Variants in ABCB11 observed in about 807,000 individuals in gnomAD.
ABCB11 encodes bile salt export pump.
ABCB11 carries 95 observed loss-of-function variants against 148.0 expected under a neutral mutation model. The ratio of observed to expected loss-of-function variants is 0.64; its 90% confidence interval spans 0.54 to 0.76. ABCB11 has a LOEUF of 0.76. ABCB11 is among the 30% of genes least tolerant of loss of function. The pLI is 0.00. For synonymous variants in ABCB11, 591 were observed against 555.4 expected (o/e 1.06, Z -0.90); for missense variants, 1,523 against 1,617.8 (o/e 0.94, Z 1.01).
At chr2:168,935,728 C>A (rs1038918062) in intron 22 of ABCB11, among the ~76,000 whole-genome samples, 1 of 152,188 alleles carries the variant, frequency 6.6e-6, no homozygotes, top group African/African-American at 2.4e-5. Context: ...TAGCTAAAAC[C>A]TAAGTGTATC....
chr2:168,952,732 T>C (rs945957009), intron 19 of ABCB11, among the ~76,000 whole-genome samples: 1 of 151,120 alleles, frequency 6.6e-6, no homozygotes, highest in Non-Finnish European at 1.5e-5. Flanking sequence ...GTCTTTGTTA[T>C]TTCTTTTCTT....
intron 5 of ABCB11, among the ~76,000 whole-genome samples, chr2:169,005,187 T>A (rs930239709): frequency 6.6e-6 from 1 of 152,032 alleles, no homozygotes; most frequent in Admixed American, 6.5e-5. Flanking sequence ...ATAGGGAGAA[T>A]GCAAAGTTGC....
Position 168,976,650 on chromosome 2 carries a change from T to A in ABCB11, c.1235A>T (p.Lys412Met). 6.2e-7 allele frequency: 1 copy of A among 1,611,672 alleles called. No individual in the cohort carries two copies. ...IIDCMSEDGY[K>M]LDRIKGEIEF... ...AATTTCACCCTTGATTCGATCCAAC[T>A]TGTAACCATCTTCTGACATGCAGTC... is the stretch of plus-strand genomic sequence containing the variant. The change falls in exon 12 of 28, where the codon AAG becomes ATG. Residue 412 changes from lysine (K) to methionine (M), a missense_variant. Transcript: ENST00000650372.
In ABCB11 at chr2:168,976,621, A is replaced by G; in HGVS notation, c.1264T>C (p.Phe422Leu). 6.2e-7 allele frequency: 1 copy of G among 1,609,554 alleles called. No homozygotes were observed. Among genetic ancestry groups the G allele is most frequent in the Non-Finnish European group, 8.5e-7 (1 of 1,176,846 alleles). ...KLDRIKGEIE[F>L]HNVTFHYPSR... ...GGATAATGGAAGGTCACATTATGGA[A>G]TTCAATTTCACCCTTGATTCGATCC... Residue 422 changes from phenylalanine (F) to leucine (L), a missense_variant, in exon 12 of 28, where the codon TTC (phenylalanine) becomes CTC (leucine). By Grantham distance (22) the Phe-to-Leu change is conservative. Transcript: ENST00000650372.
chr2:168,997,538 C>T (rs1011054278), intron 5 of ABCB11, among the ~76,000 whole-genome samples: 7 of 151,994 alleles, frequency 4.6e-5, no homozygotes, highest in African/African-American at 1.7e-4. Context: ...GAAGGCATTC[C>T]ATAATTAGAA....
At chr2:168,948,538 A>AACTCC (rs1300103268) in intron 19 of ABCB11, among the ~76,000 whole-genome samples, 4 of 151,520 alleles carry the variant, frequency 2.6e-5, no homozygotes, top group African/African-American at 9.7e-5. Context: ...ACAGACTGAA[A>AACTCC]ACTCCACTAG....
At chr2:168,985,139 G>GA (rs199699757) in intron 10 of ABCB11, among the ~76,000 whole-genome samples, 6,926 of 151,830 alleles carry the variant, frequency 0.046, 177 homozygotes, top group East Asian at 0.063. Context: ...ACAAACATAT[G>GA]AAAAAAATGC....
chr2:168,949,671 CT>C, intron 19 of ABCB11, among the ~76,000 whole-genome samples: 1 of 151,562 alleles, frequency 6.6e-6, no homozygotes, highest in Non-Finnish European at 1.5e-5. Context: ...GTGCAGGTAT[CT>C]TTTTGACATA....
At chr2:168,994,243 T>C (rs906151696) in intron 7 of ABCB11, among the ~76,000 whole-genome samples, 1 of 152,118 alleles carries the variant, frequency 6.6e-6, no homozygotes, top group East Asian at 1.9e-4. Flanking sequence ...CTCAAGGTTC[T>C]AGTCACATAC....
At chr2:168,954,482 T>G (rs1315911669) in intron 19 of ABCB11, among the ~76,000 whole-genome samples, 1 of 151,584 alleles carries the variant, frequency 6.6e-6, no homozygotes, top group East Asian at 2.0e-4. Flanking sequence ...ATGAAGCTTA[T>G]TCTGGCAGGA....
chr2:168,950,123 A>C, intron 19 of ABCB11, among the ~76,000 whole-genome samples: 1 of 120,034 alleles, frequency 8.3e-6, no homozygotes. Flanking sequence ...ATATCCTATT[A>C]CTCCCATATA....
intron 1 of ABCB11, among the ~76,000 whole-genome samples, chr2:169,030,763 T>G (rs1695843082): frequency 6.6e-6 from 1 of 152,082 alleles, no homozygotes; most frequent in South Asian, 2.1e-4. Flanking sequence ...AAGAAATGAG[T>G]ACGGTGTTGG....
intron 15 of ABCB11, 83 bp from the exon 16 acceptor site, chr2:168,969,634 G>T: frequency 8.1e-7 from 1 of 1,236,570 alleles, no homozygotes; most frequent in Non-Finnish European, 1.1e-6. Context: ...GAATCCATAG[G>T]AAAGTTAGAT....
intron 18 of ABCB11, among the ~76,000 whole-genome samples, chr2:168,963,039 C>G (rs929937835): frequency 5.9e-5 from 9 of 151,818 alleles, no homozygotes; most frequent in African/African-American, 2.2e-4. Context: ...CTACTTTATT[C>G]CAAATTTGTC....
chr2:169,009,980 C>T (rs1267894628), intron 5 of ABCB11, among the ~76,000 whole-genome samples: 2 of 152,050 alleles, frequency 1.3e-5, no homozygotes, highest in African/African-American at 4.8e-5. Context: ...AAAGGACAGG[C>T]CTAGATTTCT....
chr2:168,934,624 CAGTTCTCT>C (rs1397475421), intron 23 of ABCB11, among the ~76,000 whole-genome samples: 1 of 152,192 alleles, frequency 6.6e-6, no homozygotes, highest in Non-Finnish European at 1.5e-5. Context: ...TCAAACAAAA[CAGTTCTCT>C]ATGAACCATC....
At chr2:168,967,637 C>T (rs1451874846) in intron 17 of ABCB11, among the ~76,000 whole-genome samples, 1 of 151,744 alleles carries the variant, frequency 6.6e-6, no homozygotes, top group Non-Finnish European at 1.5e-5. Flanking sequence ...ATGGAAATGG[C>T]AATCATAGAG....
In ABCB11 at chr2:168,927,230, C is replaced by T. The variant is rs1691357055; in HGVS notation, c.3544G>A (p.Glu1182Lys). 6.2e-7 allele frequency: 1 copy of T among 1,613,760 alleles called. No individual in the cohort carries two copies. Among genetic ancestry groups the T allele is most frequent in the Non-Finnish European group, 8.5e-7 (1 of 1,179,816 alleles). Residue 1182 changes from glutamate to lysine, a missense_variant, in exon 26 of 28, where the codon GAA becomes AAA. Transcript: ENST00000650372. ...DNIKYGDNTK[E>K]IPMERVIAAA... ...GCTATGACTCTTTCCATGGGAATTTCTTTGGTGTTGTCTCCATACTTGATA... is the reference window on the plus strand; with the variant it reads ...GCTATGACTCTTTCCATGGGAATTTTTTTGGTGTTGTCTCCATACTTGATA...
intron 3 of ABCB11, among the ~76,000 whole-genome samples, chr2:169,015,586 G>A (rs1695328660): frequency 6.6e-6 from 1 of 152,084 alleles, no homozygotes; most frequent in Admixed American, 6.6e-5. Context: ...CACAGGGACA[G>A]CTCCATCACC....
Sources: allele counts gnomAD v4.1 joint callset (sites outside exome capture counted in the v4.1 genomes callset), GRCh38; gene constraint gnomAD v4.1.1; transcripts MANE v1.5; gene names NCBI Gene and HGNC (gene_info 2026-07-23, HGNC 2026-07-21).